Variants in BRF1 observed in about 807,000 individuals in gnomAD.
BRF1 encodes transcription factor IIIB 90 kDa subunit.
A neutral mutation model predicts 81.7 loss-of-function variants in BRF1; 59 were observed. The observed-to-expected ratio is 0.72, with a 90% CI of 0.59 to 0.90. BRF1 has a LOEUF of 0.90. Ranked by LOEUF, BRF1 falls within the 40% of genes least tolerant of loss-of-function variation. BRF1 has a pLI of 0.00. For missense variants in BRF1, 1,050 were observed against 936.3 expected (o/e 1.12, Z -1.58); for synonymous variants, 491 against 395.6 (o/e 1.24, Z -2.86).
intron 14 of BRF1, among the ~76,000 whole-genome samples, chr14:105,218,564 C>T (rs1259534877): frequency 6.6e-6 from 1 of 152,242 alleles, no homozygotes; most frequent in East Asian, 1.9e-4. Context: ...CTGCTGCCTG[C>T]ACCACGAGGC....
chr14:105,256,485 G>A, intron 4 of BRF1, 33 bp downstream of exon 4: 1 of 1,614,140 alleles, frequency 6.2e-7, no homozygotes, highest in East Asian at 2.2e-5. Flanking sequence ...CACAACCCCA[G>A]GTGGGGAAAG....
intron 2 of BRF1, among the ~76,000 whole-genome samples, chr14:105,278,030 A>G (rs999913830): frequency 2.0e-5 from 3 of 152,176 alleles, no homozygotes; most frequent in African/African-American, 7.2e-5. Flanking sequence ...CTGGGATACA[A>G]GCATGAGCCA....
chr14:105,259,685 A>G (rs1411708817), intron 3 of BRF1, among the ~76,000 whole-genome samples: 2 of 152,202 alleles, frequency 1.3e-5, no homozygotes, highest in Non-Finnish European at 2.9e-5. Flanking sequence ...CAAGGCGGGC[A>G]GTCACTTGAG....
chr14:105,294,487 T>C lies in BRF1; in HGVS notation c.184+5959A>G, dbSNP rs587649553. 3.3e-5 allele frequency among the ~76,000 whole-genome samples: 5 copies of C among 152,350 alleles called. No homozygotes were observed. In the South Asian group the frequency reaches 1.0e-3, roughly 32 times the overall value. ...CCGGGAAACCCTGCGTCTGCTGCCA[T>C]GACAACTTGCTTTCATTACTGTTGT... On this transcript the variant is annotated intron_variant, in intron 1 of 17. Coordinates refer to ENST00000547530, the MANE Select transcript of BRF1 (RefSeq NM_001519.4).
chr14:105,300,530 C>A lies in BRF1; in HGVS notation c.100G>T (p.Asp34Tyr). 1 of 1,531,682 alleles carries A rather than the reference C, an allele frequency of 6.5e-7. No homozygotes were observed. The highest frequency in any genetic ancestry group is 8.8e-7 in the Non-Finnish European group (1 of 1,142,272). The allele number at this position is 1,531,682 out of a possible 1,614,324, so 94.9% of individuals were successfully genotyped here. A position where few individuals can be genotyped will look rare whatever the true frequency, so the allele number is the denominator to read the frequency against. Residue 34 changes from aspartate (D) to tyrosine (Y), a missense_variant, in exon 1 of 18, where the codon GAC (aspartate) becomes TAC (tyrosine). Physicochemically the swap from Asp to Tyr is radical, Grantham distance 160. Coordinates refer to ENST00000547530, the MANE Select transcript of BRF1 (RefSeq NM_001519.4). ...VCTACGSVLE[D>Y]NIIVSEVQFV... ...TGCACCTCGGACACGATGATGTTGT[C>A]CTCCAGCACTGAGCCGCAGGCGGTG...
At position 105,315,192 on chromosome 14, in the gene BRF1, GC is replaced by G; in HGVS notation, c.-162+129del. On this transcript the variant is annotated intron_variant, in intron 1 of 17. Coordinates refer to the BRF1 transcript ENST00000327359. The surrounding 1 kb of genome is among the most constrained non-coding windows in gnomAD (Gnocchi z 4.4). Reference sequence around the variant, plus strand: ...CGCCGGTTCGACGCGTGCAGCCGCCGCCCCCCCGCAGCTCCGGCAAGCGCGG... The same window carrying G: ...CGCCGGTTCGACGCGTGCAGCCGCCGCCCCCCGCAGCTCCGGCAAGCGCGG... 1.4e-5 allele frequency: 4 copies of G among 290,368 alleles called. No individual in the cohort carries two copies. The highest frequency in any genetic ancestry group is 1.6e-5 in the Non-Finnish European group (3 of 188,648). The allele number at this position is 290,368 out of a possible 1,614,324, so 18.0% of individuals were successfully genotyped here. A position where few individuals can be genotyped will look rare whatever the true frequency, so the allele number is the denominator to read the frequency against.
At chr14:105,215,769 A>G (rs1323650773) in intron 15 of BRF1, among the ~76,000 whole-genome samples, 2 of 144,362 alleles carry the variant, frequency 1.4e-5, no homozygotes, top group Non-Finnish European at 3.0e-5. Flanking sequence ...ATACACATGC[A>G]CACACACTGC....
intron 5 of BRF1, chr14:105,249,596 G>A (rs766013434): frequency 4.4e-6 from 7 of 1,586,928 alleles, no homozygotes; most frequent in Non-Finnish European, 6.0e-6. Context: ...CCCCGCGATG[G>A]GTGCTTGGGA....
At chr14:105,247,960 G>A (rs1252711325) in intron 5 of BRF1, 2 of 985,386 alleles carry the variant, frequency 2.0e-6, no homozygotes, top group East Asian at 1.1e-4. Context: ...GCGATCCACA[G>A]GCAGAGCCAC....
rs2058501389 is a variant in BRF1 at position 105,314,954 on chromosome 14, G to A, written c.-162+368C>T. On this transcript the variant is annotated intron_variant, in intron 1 of 17. Transcript: ENST00000327359. ...GAGGCCGCCTCGGCCTCCCCGGCGC[G>A]CCCGGCGCGCTCAACACGCCCGTGC... 2.5e-6 allele frequency: 3 copies of A among 1,185,490 alleles called. No individual in the cohort carries two copies. The highest frequency in any genetic ancestry group is 6.1e-5 in the East Asian group (1 of 16,364). The allele number at this position is 1,185,490 out of a possible 1,614,324, so 73.4% of individuals were successfully genotyped here.
At chr14:105,263,066 C>G (rs2056229524) in intron 3 of BRF1, among the ~76,000 whole-genome samples, 1 of 151,908 alleles carries the variant, frequency 6.6e-6, no homozygotes, top group South Asian at 2.1e-4. Context: ...TGGTGAAACC[C>G]TATCTCTACT....
intron 5 of BRF1, chr14:105,249,703 TAAG>T (rs748352852): frequency 1.2e-6 from 2 of 1,613,770 alleles, no homozygotes; most frequent in South Asian, 1.1e-5. Context: ...TGTACGCTGC[TAAG>T]AAGTACATCG....
intron 5 of BRF1, chr14:105,249,415 C>T: frequency 1.9e-6 from 3 of 1,613,162 alleles, no homozygotes; most frequent in Non-Finnish European, 2.5e-6. Flanking sequence ...GGAGACCTGG[C>T]GGAAGTCAAA....
intron 3 of BRF1, among the ~76,000 whole-genome samples, chr14:105,263,397 A>C (rs896268151): frequency 2.2e-4 from 33 of 152,288 alleles, no homozygotes; most frequent in Admixed American, 1.9e-3. Context: ...GGCACAGTGC[A>C]CTTAGTCCCT....
rs373154886 is a variant in BRF1 at position 105,211,219 on chromosome 14, G to A, written c.1899C>T (p.Pro633=). Residue 633 remains proline, a synonymous_variant, in exon 17 of 18, where the codon CCC becomes CCT. Coordinates refer to ENST00000547530, the MANE Select transcript of BRF1 (RefSeq NM_001519.4). ...CCTCCTCGTCGGCGTGGTATGACAC[G>A]GGCCCGCTCTCCACCAGCACCGCCT... ...RPQAVLVESG[P]VSYHADEEAD... The A allele has an allele frequency of 7.5e-5, 121 of 1,611,130 alleles. No homozygotes were observed. The highest frequency in any genetic ancestry group is 9.4e-5 in the Non-Finnish European group (111 of 1,179,652).
chr14:105,265,063 TTGTTTGTTTG>T (rs1566848992), intron 3 of BRF1, among the ~76,000 whole-genome samples: 29 of 139,324 alleles, frequency 2.1e-4, no homozygotes, highest in African/African-American at 8.1e-4. Context: ...TGTTTTTTTT[TTGTTTGTTTG>T]TTTTTTTAGA....
chr14:105,286,190 G>T, intron 2 of BRF1, 106 bp downstream of exon 2: 3 of 1,245,502 alleles, frequency 2.4e-6, no homozygotes, highest in South Asian at 2.6e-5. Context: ...ACGAGGAAGT[G>T]GCAGGCCATG....
At chr14:105,260,885 C>T (rs2056117634) in intron 3 of BRF1, among the ~76,000 whole-genome samples, 2 of 152,242 alleles carry the variant, frequency 1.3e-5, no homozygotes, top group Admixed American at 1.3e-4. Flanking sequence ...GAGGATATCA[C>T]ATTCCCTCTG....
upstream of BRF1, among the ~76,000 whole-genome samples, chr14:105,305,992 G>A (rs587643872): frequency 2.6e-5 from 4 of 152,380 alleles, no homozygotes; most frequent in East Asian, 7.7e-4. Flanking sequence ...CCCTAGACCT[G>A]ACTCCAGCAC....
Sources: allele counts gnomAD v4.1 joint callset (sites outside exome capture counted in the v4.1 genomes callset), GRCh38; gene constraint gnomAD v4.1.1; non-coding constraint Gnocchi (gnomAD v3.1); transcripts MANE v1.5; gene names NCBI Gene and HGNC (gene_info 2026-07-23, HGNC 2026-07-21).